The following MFGE8 variants were observed in gnomAD, a reference collection of about 807,000 sequenced individuals.
MFGE8 encodes milk fat globule EGF and factor V/VIII domain containing, also known as lactadherin.
A neutral mutation model predicts 42.6 loss-of-function variants in MFGE8; 34 were observed. The observed-to-expected ratio is 0.80, with a 90% CI of 0.61 to 1.06. MFGE8 has a LOEUF of 1.06. Ranked by LOEUF, MFGE8 falls within the 50% of genes least tolerant of loss-of-function variation. MFGE8 has a pLI of 0.00. For missense variants in MFGE8, 510 were observed against 516.9 expected, an observed-to-expected ratio of 0.99 and a Z score of 0.13; for synonymous variants, 230 against 214.8, an observed-to-expected ratio of 1.07 and a Z score of -0.62.
chr15:88,899,650 A>G lies in MFGE8; in HGVS notation c.1026+6T>C. On this transcript the variant is annotated splice_donor_region_variant and intron_variant, in intron 7 of 7. Transcript: ENST00000268150. The surrounding 1 kb of genome is among the most constrained non-coding windows in gnomAD (Gnocchi z 6.8). ...GCAAAGGGTGGGCAGCTGGACAGAC[A>G]CCCACCTTACTGCTGCCAGTCCTGG... is the stretch of plus-strand genomic sequence containing the variant. 2 of 1,614,026 alleles carry G rather than the reference A, an allele frequency of 1.2e-6. No individual in the cohort carries two copies. The highest frequency in any genetic ancestry group is 1.7e-6 in the Non-Finnish European group (2 of 1,179,964).
chr15:88,901,512 A>AACCCCACCC, intron 6 of MFGE8, 39 bp downstream of exon 6: 1 of 667,132 alleles, frequency 1.5e-6, no homozygotes, highest in Non-Finnish European at 2.7e-6. Flanking sequence ...ACCTCATCCC[A>AACCCCACCC]CCCAACCCCA....
rs1898687261 is a variant in MFGE8, at chr15:88,906,590, A to C, written c.540+36T>G. The C allele has an allele frequency of 6.2e-7, 1 of 1,613,072 alleles. No homozygotes were observed. Among genetic ancestry groups the C allele is most frequent in the Non-Finnish European group, 8.5e-7 (1 of 1,179,406 alleles). On this transcript the variant is annotated intron_variant, in intron 4 of 7. Transcript: ENST00000268150. The surrounding 1 kb of genome is among the most constrained non-coding windows in gnomAD (Gnocchi z 4.2). Reference sequence around the variant, plus strand: ...AATGCTAGAACCTTAGGGGGTATGGACCACAGCCCTTCTTTCGGGCCCCAA... The same window carrying C: ...AATGCTAGAACCTTAGGGGGTATGGCCCACAGCCCTTCTTTCGGGCCCCAA...
intron 1 of MFGE8, chr15:88,912,926 T>C: frequency 1.0e-6 from 1 of 985,336 alleles, no homozygotes; most frequent in Non-Finnish European, 1.2e-6. Context: ...CGCAGTTCCC[T>C]GGCCTCATTT....
chr15:88,900,245 A>T (rs916819209), intron 6 of MFGE8, among the ~76,000 whole-genome samples: 12 of 75,394 alleles, frequency 1.6e-4, no homozygotes, highest in Non-Finnish European at 2.5e-4. Context: ...CTGTCTCAGA[A>T]AAAAAAAAAA....
At chr15:88,911,949 T>C (rs1898980049) in intron 1 of MFGE8, among the ~76,000 whole-genome samples, 1 of 152,086 alleles carries the variant, frequency 6.6e-6, no homozygotes, top group Non-Finnish European at 1.5e-5. Flanking sequence ...AAATAGCAGG[T>C]AATCCTTCCT....
rs887220334 is a variant in MFGE8 at position 88,903,115 on chromosome 15, G to C, written c.686-1380C>G. On this transcript the variant is annotated intron_variant, in intron 5 of 7. Transcript: ENST00000268150. The surrounding 1 kb of genome is among the most constrained non-coding windows in gnomAD (Gnocchi z 4.9). The stretch of plus-strand genomic sequence containing the variant: ...CTTGGCCCCAGAAGAGGAGAGGCCT[G>C]AGGCAGGCTAAAACCTGGGCAGCTT... The C allele has an allele frequency of 6.6e-6, 1 of 152,308 alleles. No individual in the cohort carries two copies. The highest frequency in any genetic ancestry group is 1.9e-4 in the East Asian group (1 of 5,198). The allele number at this position is 152,308 out of a possible 1,614,324, so 9.4% of individuals were successfully genotyped here. A position where few individuals can be genotyped will look rare whatever the true frequency, so the allele number is the denominator to read the frequency against.
Position 88,913,227 on chromosome 15 carries a change from G to A in MFGE8, c.73+20C>T. 6.7e-7 allele frequency: 1 copy of A among 1,500,118 alleles called. No individual in the cohort carries two copies. Among genetic ancestry groups the A allele is most frequent in the Non-Finnish European group, 8.8e-7 (1 of 1,131,134 alleles). 92.9% of individuals were successfully genotyped at this position (1,500,118 alleles called of 1,614,324 possible). ...GCGGGGAGGAGGGGCGAGGGGCAGAGGGCGGCGCGATCCACTCACCCAGGG... is the reference window on the plus strand; with the variant it reads ...GCGGGGAGGAGGGGCGAGGGGCAGAAGGCGGCGCGATCCACTCACCCAGGG... On this transcript the variant is annotated intron_variant, in intron 1 of 7. Transcript: ENST00000268150.
chr15:88,911,651 C>T (rs1340902623), intron 1 of MFGE8, among the ~76,000 whole-genome samples: 5 of 151,980 alleles, frequency 3.3e-5, no homozygotes, highest in Non-Finnish European at 7.4e-5. Flanking sequence ...GGCATGAACC[C>T]AGCGGGCGAA....
chr15:88,912,566 C>G (rs1408824568), intron 1 of MFGE8: 1 of 985,272 alleles, frequency 1.0e-6, no homozygotes, highest in East Asian at 1.1e-4. Flanking sequence ...GCCCAGCTGG[C>G]CTCCGGAGGC....
intron 6 of MFGE8, 60 bp downstream of exon 6, chr15:88,901,491 C>A: frequency 6.5e-7 from 1 of 1,531,810 alleles, no homozygotes; most frequent in South Asian, 1.1e-5. Context: ...GGTCAAAGAT[C>A]TGGCAGTCCC....
chr15:88,905,313 C>T lies in MFGE8; in HGVS notation c.685+444G>A, dbSNP rs1898617018. ...TCATTCATCGGGGCCCCACGCCCCTCATTCATTCATTCGCTCATTCATCAA... is the reference window on the plus strand; with the variant it reads ...TCATTCATCGGGGCCCCACGCCCCTTATTCATTCATTCGCTCATTCATCAA... On this transcript the variant is annotated intron_variant, in intron 5 of 7. Coordinates refer to ENST00000268150, the MANE Select transcript of MFGE8 (RefSeq NM_005928.4). This position sits in a 1 kb window ranked among gnomAD's most constrained non-coding sequence, Gnocchi z 6.6. 2.7e-6 allele frequency: 1 copy of T among 367,194 alleles called. No homozygotes were observed. Among genetic ancestry groups the T allele is most frequent in the Non-Finnish European group, 5.3e-6 (1 of 187,146 alleles). 22.7% of individuals were successfully genotyped at this position (367,194 alleles called of 1,614,324 possible).
intron 1 of MFGE8, chr15:88,912,632 G>A: frequency 7.1e-6 from 7 of 985,374 alleles, no homozygotes; most frequent in South Asian, 4.7e-5. Context: ...AAGGCCGCGG[G>A]AGGGAGGGAG....
At chr15:88,908,902 C>T (rs1898824942) in intron 2 of MFGE8, among the ~76,000 whole-genome samples, 1 of 152,202 alleles carries the variant, frequency 6.6e-6, no homozygotes, top group Admixed American at 6.5e-5. Context: ...GCCCCCCGCC[C>T]CCTCCTTCTG....
rs778652771 is a variant in MFGE8, at chr15:88,899,458, C to T, written c.1101G>A (p.Val367=). ...TGTGCCAGGCTACAGGCAGGATGCGCACATAGCGAGCCAGGATGGGCGTCT... is the reference window on the plus strand; with the variant it reads ...TGTGCCAGGCTACAGGCAGGATGCGTACATAGCGAGCCAGGATGGGCGTCT... The part of the protein sequence containing the change: ...LFETPILARY[V]RILPVAWHNR... The change falls in exon 8 of 8, where the codon GTG becomes GTA. Residue 367 remains valine (V), a synonymous_variant. Transcript: ENST00000268150. The surrounding 1 kb of genome is among the most constrained non-coding windows in gnomAD (Gnocchi z 6.8). 5 of 1,614,202 alleles carry T rather than the reference C, an allele frequency of 3.1e-6. No homozygotes were observed. The highest frequency in any genetic ancestry group is 4.2e-6 in the Non-Finnish European group (5 of 1,180,044).
At position 88,899,063 on chromosome 15, in the gene MFGE8, C is replaced by G. The variant is rs1053600105; in HGVS notation, c.*332G>C. 2.4e-6 allele frequency: 1 copy of G among 415,268 alleles called. No homozygotes were observed. The highest frequency in any genetic ancestry group is 4.5e-6 in the Non-Finnish European group (1 of 219,990). 25.7% of individuals were successfully genotyped at this position (415,268 alleles called of 1,614,324 possible). A position where few individuals can be genotyped will look rare whatever the true frequency, so the allele number is the denominator to read the frequency against. ...GGGCTAGGAGAGACAGAGACACACG[C>G]ACCTGGGATCGGCGGTCCGGACAGG... On this transcript the variant is annotated 3_prime_UTR_variant, in exon 8 of 8. Coordinates refer to ENST00000268150, the MANE Select transcript of MFGE8 (RefSeq NM_005928.4). This position sits in a 1 kb window ranked among gnomAD's most constrained non-coding sequence, Gnocchi z 6.8.
chr15:88,911,908 G>A (rs1898976219), intron 1 of MFGE8, among the ~76,000 whole-genome samples: 1 of 152,118 alleles, frequency 6.6e-6, no homozygotes, highest in Non-Finnish European at 1.5e-5. Flanking sequence ...AGCTTAAAGT[G>A]GCTCCCAAGG....
At chr15:88,901,517 A>AACCCAGAAGGGGGTCC in intron 6 of MFGE8, 34 bp downstream of exon 6, 1 of 1,072,616 alleles carries the variant, frequency 9.3e-7, no homozygotes, top group Admixed American at 1.8e-5. Context: ...ATCCCACCCA[A>AACCCAGAAGGGGGTCC]CCCCAGCCCC....
At chr15:88,912,755 C>G (rs1413033604) in intron 1 of MFGE8, 5 of 985,322 alleles carry the variant, frequency 5.1e-6, no homozygotes, top group African/African-American at 1.7e-5. Context: ...CCGGCCCTTC[C>G]CTTATGTGAC....
Position 88,907,242 on chromosome 15 carries a change from C to A in MFGE8, c.340G>T (p.Val114Phe). ...TTGCTGCTGGGTGTCCAGGCATTGA[C>A]CATGCCTGCGCGGTTCAGGCGGGCC... ...ELARLNRAGM[V>F]NAWTPSSNDD... Residue 114 changes from valine to phenylalanine, a missense_variant, in exon 3 of 8, where the codon GTC becomes TTC. By Grantham distance (50) the Val-to-Phe change is conservative. Coordinates refer to ENST00000268150, the MANE Select transcript of MFGE8 (RefSeq NM_005928.4). 1.2e-6 allele frequency: 2 copies of A among 1,614,160 alleles called. No individual in the cohort carries two copies. Among genetic ancestry groups the A allele is most frequent in the Non-Finnish European group, 1.7e-6 (2 of 1,180,020 alleles).
Sources: gnomAD v4.1 joint callset for allele counts (sites outside exome capture counted in the v4.1 genomes callset) on GRCh38, gnomAD v4.1.1 for gene constraint, Gnocchi (gnomAD v3.1) non-coding constraint, MANE v1.5 for transcripts, NCBI Gene and HGNC (gene_info 2026-07-23, HGNC 2026-07-21) for gene names.